TECRL: variants seen among roughly 807,000 people sequenced by gnomAD.
TECRL encodes the protein trans-2,3-enoyl-CoA reductase like.
TECRL carries 63 observed loss-of-function variants against 52.8 expected under a neutral mutation model. The ratio of observed to expected loss-of-function variants is 1.19; its 90% CI spans 0.97 to 1.47. The LOEUF (loss-of-function observed/expected upper bound fraction) is 1.47. TECRL is among the 40% of genes most tolerant of loss of function. TECRL has a pLI of 0.00. For missense variants in TECRL, 482 were observed against 429.6 expected, an observed-to-expected ratio of 1.12 and a Z score of -1.08; for synonymous variants, 164 against 141.9, an observed-to-expected ratio of 1.16 and a Z score of -1.10.
intron 1 of TECRL, 59 bp downstream of exon 1, chr4:64,409,059 T>G (rs1229136908): frequency 5.9e-6 from 8 of 1,360,626 alleles, no homozygotes; most frequent in Non-Finnish European, 7.0e-6. Context: ...ATCAATAATA[T>G]TTGGGGCAGA....
chr4:64,362,070 C>A (rs1330715488), intron 2 of TECRL, among the ~76,000 whole-genome samples: 1 of 152,094 alleles, frequency 6.6e-6, no homozygotes, highest in Non-Finnish European at 1.5e-5. Flanking sequence ...AGAAAGCATT[C>A]ATAATATAAT....
At chr4:64,326,114 C>T (rs565448362) in intron 3 of TECRL, among the ~76,000 whole-genome samples, 1 of 152,054 alleles carries the variant, frequency 6.6e-6, no homozygotes, top group Non-Finnish European at 1.5e-5. Flanking sequence ...TATTCCCTCC[C>T]AAGTATGGGC....
intron 1 of TECRL, among the ~76,000 whole-genome samples, chr4:64,399,082 C>A (rs1472221048): frequency 1.3e-5 from 2 of 152,054 alleles, no homozygotes; most frequent in Non-Finnish European, 2.9e-5. Flanking sequence ...CTTGAAGCAG[C>A]CTGTAGACAT....
At chr4:64,355,474 A>G (rs1190720538) in intron 2 of TECRL, among the ~76,000 whole-genome samples, 2 of 152,134 alleles carry the variant, frequency 1.3e-5, no homozygotes, top group Non-Finnish European at 2.9e-5. Context: ...AGATTATGTA[A>G]AAGGGAATTA....
At chr4:64,322,638 AT>A in intron 4 of TECRL, 50 bp downstream of exon 4, 1 of 1,311,576 alleles carries the variant, frequency 7.6e-7, no homozygotes. Flanking sequence ...TCAATAAATT[AT>A]TTAGAGCAAA....
intron 1 of TECRL, among the ~76,000 whole-genome samples, chr4:64,403,211 A>G (rs72614762): frequency 0.25 from 37,923 of 151,712 alleles, 4,879 homozygotes; most frequent in South Asian, 0.31. Flanking sequence ...TTACAAATGT[A>G]TCTTCTCTAA....
At chr4:64,312,663 G>T (rs1717120918) in intron 5 of TECRL, among the ~76,000 whole-genome samples, 2 of 151,824 alleles carry the variant, frequency 1.3e-5, no homozygotes, top group Admixed American at 6.6e-5. Context: ...CTACTTAGGG[G>T]GCTGAGGTGG....
intron 4 of TECRL, among the ~76,000 whole-genome samples, chr4:64,320,276 C>G (rs1041587114): frequency 6.6e-6 from 1 of 151,728 alleles, no homozygotes; most frequent in African/African-American, 2.4e-5. Flanking sequence ...TTAATTTTAA[C>G]CTTGCTAAAT....
intron 4 of TECRL, among the ~76,000 whole-genome samples, chr4:64,315,763 G>A (rs932898697): frequency 6.6e-6 from 1 of 151,820 alleles, no homozygotes; most frequent in Non-Finnish European, 1.5e-5. Flanking sequence ...ATGCATATAT[G>A]TGTGTAATTA....
chr4:64,354,032 T>C (rs1720586882), intron 2 of TECRL, among the ~76,000 whole-genome samples: 1 of 151,946 alleles, frequency 6.6e-6, no homozygotes, highest in African/African-American at 2.4e-5. Context: ...TCAAATGCAG[T>C]TGAAAGTTCA....
chr4:64,398,352 G>A (rs1372223897), intron 1 of TECRL, among the ~76,000 whole-genome samples: 1 of 152,098 alleles, frequency 6.6e-6, no homozygotes, highest in Non-Finnish European at 1.5e-5. Context: ...CTGGTGGGAG[G>A]GAAATGAATC....
At chr4:64,293,906 T>C (rs181170168) in intron 8 of TECRL, among the ~76,000 whole-genome samples, 1 of 151,378 alleles carries the variant, frequency 6.6e-6, no homozygotes, top group Admixed American at 6.6e-5. Context: ...TTAATGTAAC[T>C]GTTCTCACTT....
chr4:64,280,727 C>T (rs1293956826), intron 11 of TECRL, among the ~76,000 whole-genome samples: 1 of 152,154 alleles, frequency 6.6e-6, no homozygotes, highest in Admixed American at 6.6e-5. Flanking sequence ...AACACATACA[C>T]ATGCCTGTGC....
At chr4:64,287,111 A>G (rs1723118958) in intron 9 of TECRL, among the ~76,000 whole-genome samples, 2 of 152,126 alleles carry the variant, frequency 1.3e-5, no homozygotes, top group African/African-American at 2.4e-5. Context: ...TCCACTGCAA[A>G]TGAGGACCAC....
At chr4:64,286,374 A>C (rs1421694757) in intron 9 of TECRL, among the ~76,000 whole-genome samples, 2 of 152,082 alleles carry the variant, frequency 1.3e-5, no homozygotes, top group African/African-American at 4.8e-5. Context: ...TATTAAGCAG[A>C]TAAAAAGAAT....
At chr4:64,296,733 G>T (rs780991480) in intron 8 of TECRL, among the ~76,000 whole-genome samples, 16 of 151,776 alleles carry the variant, frequency 1.1e-4, no homozygotes, top group South Asian at 2.1e-4. Context: ...TGTGATTTTG[G>T]TATTTTTATT....
chr4:64,353,291 G>T (rs1720530417), intron 2 of TECRL, among the ~76,000 whole-genome samples: 1 of 152,134 alleles, frequency 6.6e-6, no homozygotes, highest in African/African-American at 2.4e-5. Context: ...TTTGAGGGCT[G>T]ATATATCATA....
intron 1 of TECRL, among the ~76,000 whole-genome samples, chr4:64,386,556 AT>A (rs1723191037): frequency 6.6e-6 from 1 of 152,094 alleles, no homozygotes; most frequent in South Asian, 2.1e-4. Context: ...ATTTTTGGAT[AT>A]GTAGTTTTTC....
chr4:64,296,204 A>T (rs1723672375), intron 8 of TECRL, among the ~76,000 whole-genome samples: 1 of 151,830 alleles, frequency 6.6e-6, no homozygotes, highest in African/African-American at 2.4e-5. Flanking sequence ...TTTCATAAGC[A>T]GTTTCTTGGC....
Sources: allele counts gnomAD v4.1 joint callset (sites outside exome capture counted in the v4.1 genomes callset), GRCh38; gene constraint gnomAD v4.1.1; transcripts MANE v1.5; gene names NCBI Gene and HGNC (gene_info 2026-07-23, HGNC 2026-07-21).